BTBD10: variants seen among roughly 807,000 people sequenced by gnomAD.
The protein encoded by BTBD10 is BTB domain containing 10.
A neutral mutation model predicts 53.2 loss-of-function variants in BTBD10; 21 were observed. That is an observed-to-expected ratio of 0.39 (90% CI 0.28 to 0.57). BTBD10 has a LOEUF of 0.57. Ranked by LOEUF, BTBD10 falls within the 20% of genes least tolerant of loss-of-function variation. The pLI, the probability that BTBD10 is intolerant of heterozygous loss-of-function variation, is 0.53. For synonymous variants in BTBD10, 149 were observed against 192.7 expected, an observed-to-expected ratio of 0.77 and a Z score of 1.88; for missense variants, 360 against 594.7, an observed-to-expected ratio of 0.61 and a Z score of 4.10.
At chr11:13,403,673 C>T (rs1034813168) in intron 7 of BTBD10, among the ~76,000 whole-genome samples, 1 of 152,154 alleles carries the variant, frequency 6.6e-6, no homozygotes, top group Admixed American at 6.5e-5. Context: ...AAGGCCTAGT[C>T]TAGAGGCGGA....
intron 2 of BTBD10, chr11:13,439,768 C>T: frequency 1.3e-6 from 1 of 757,624 alleles, no homozygotes; most frequent in Non-Finnish European, 2.0e-6. Context: ...TATCTTTAGT[C>T]ATGTAAATGA....
chr11:13,442,882 G>GT (rs1950684345), intron 2 of BTBD10, among the ~76,000 whole-genome samples: 1 of 151,986 alleles, frequency 6.6e-6, no homozygotes, highest in Non-Finnish European at 1.5e-5. Flanking sequence ...AGTGTCCTAA[G>GT]TTATATGTTC....
chr11:13,399,714 G>C (rs962320140), intron 8 of BTBD10, among the ~76,000 whole-genome samples: 3 of 152,184 alleles, frequency 2.0e-5, no homozygotes, highest in Non-Finnish European at 2.9e-5. Context: ...GTGACGTACA[G>C]ATGGGTTTTT....
intron 8 of BTBD10, among the ~76,000 whole-genome samples, chr11:13,400,348 G>T (rs188867383): frequency 3.9e-5 from 6 of 152,358 alleles, no homozygotes; most frequent in Admixed American, 1.3e-4. Flanking sequence ...CTCAGAGCCA[G>T]GTGTGGGATA....
intron 8 of BTBD10, among the ~76,000 whole-genome samples, chr11:13,398,869 C>T (rs1949632714): frequency 6.6e-6 from 1 of 152,144 alleles, no homozygotes; most frequent in Non-Finnish European, 1.5e-5. Flanking sequence ...TGAATATTGG[C>T]CCCCACTCTC....
At chr11:13,457,482 CAGGT>C (rs976688494) in intron 1 of BTBD10, among the ~76,000 whole-genome samples, 1 of 152,138 alleles carries the variant, frequency 6.6e-6, no homozygotes. Flanking sequence ...CAGCAAAAAA[CAGGT>C]AGGTACAGAA....
intron 2 of BTBD10, chr11:13,439,745 G>T: frequency 1.6e-6 from 1 of 607,316 alleles, no homozygotes; most frequent in Non-Finnish European, 2.5e-6. Flanking sequence ...CTGAAAATCA[G>T]ACATATGATC....
chr11:13,397,710 T>C (rs1949593014), intron 8 of BTBD10, among the ~76,000 whole-genome samples: 1 of 152,224 alleles, frequency 6.6e-6, no homozygotes, highest in African/African-American at 2.4e-5. Context: ...CACACTGCTT[T>C]GAATGTGTCC....
intron 1 of BTBD10, among the ~76,000 whole-genome samples, chr11:13,451,888 A>G (rs890033905): frequency 1.3e-5 from 2 of 152,174 alleles, no homozygotes; most frequent in African/African-American, 4.8e-5. Context: ...CGACTGACAC[A>G]AAGGGCATCT....
At chr11:13,398,275 TG>T (rs1949612054) in intron 8 of BTBD10, among the ~76,000 whole-genome samples, 1 of 152,194 alleles carries the variant, frequency 6.6e-6, no homozygotes, top group Non-Finnish European at 1.5e-5. Flanking sequence ...CTTGTTGAAT[TG>T]ATCCCTTTAC....
intron 2 of BTBD10, among the ~76,000 whole-genome samples, chr11:13,424,112 T>C (rs1421863272): frequency 2.0e-5 from 3 of 152,204 alleles, no homozygotes; most frequent in Non-Finnish European, 4.4e-5. Flanking sequence ...AGATCATATA[T>C]AGAAAAAATA....
intron 1 of BTBD10, chr11:13,462,714 C>G (rs1951126654): frequency 6.6e-6 from 1 of 152,336 alleles, no homozygotes; most frequent in South Asian, 2.1e-4. Flanking sequence ...CCACCTTATC[C>G]CCTATTGTGA....
At chr11:13,392,953 G>C (rs529928894) in intron 8 of BTBD10, among the ~76,000 whole-genome samples, 1 of 152,208 alleles carries the variant, frequency 6.6e-6, no homozygotes, top group Non-Finnish European at 1.5e-5. Context: ...TGGTCTGCTC[G>C]ATGGGGTAGC....
chr11:13,427,279 A>G lies in BTBD10; in HGVS notation c.102-5441T>C, dbSNP rs114052846. Among the ~76,000 whole-genome samples, 1,039 of 152,314 alleles carry G rather than the reference A, an allele frequency of 6.8e-3. 17 individuals carry two copies. Among genetic ancestry groups the G allele is most frequent in the African/African-American group, 0.024 (991 of 41,562 alleles). On this transcript the variant is annotated intron_variant, in intron 2 of 8. Transcript: ENST00000278174. ...ATGCTATATGGTACAAAGAGATTCA[A>G]TATAAAAGAATGAGGAAAGATACAC...
Position 13,415,206 on chromosome 11 carries a change from T to C in BTBD10, c.688-1556A>G, listed in dbSNP as rs1950072440. On this transcript the variant is annotated intron_variant, in intron 5 of 8. Coordinates refer to ENST00000278174, the MANE Select transcript of BTBD10 (RefSeq NM_032320.7). ...TCAGCTCACTGCAACCTTCGCCTCC[T>C]GGCTCAAAAGATCTTCCCACCTCAG... Among the ~76,000 whole-genome samples the C allele has an allele frequency of 2.0e-5, 3 of 149,230 alleles. No individual in the cohort carries two copies. The South Asian group carries it at 6.5e-4, about 33-fold the overall frequency.
At chr11:13,400,299 C>T (rs1949681547) in intron 8 of BTBD10, among the ~76,000 whole-genome samples, 1 of 152,214 alleles carries the variant, frequency 6.6e-6, no homozygotes, top group Non-Finnish European at 1.5e-5. Flanking sequence ...TCTCAGACTG[C>T]TGTGCTAGCA....
At chr11:13,447,442 T>G (rs189503572) in intron 1 of BTBD10, among the ~76,000 whole-genome samples, 1 of 152,192 alleles carries the variant, frequency 6.6e-6, no homozygotes, top group Non-Finnish European at 1.5e-5. Flanking sequence ...TCCTTTTCCT[T>G]AACTATCAGA....
At chr11:13,406,726 A>G (rs1045277678) in intron 6 of BTBD10, among the ~76,000 whole-genome samples, 3 of 151,890 alleles carry the variant, frequency 2.0e-5, no homozygotes, top group African/African-American at 7.3e-5. Flanking sequence ...CTCCCAAGGG[A>G]GAGCTTTTCC....
intron 8 of BTBD10, among the ~76,000 whole-genome samples, chr11:13,402,540 TTGTCA>T (rs951477902): frequency 6.6e-6 from 1 of 152,200 alleles, no homozygotes; most frequent in African/African-American, 2.4e-5. Flanking sequence ...ACTCTTTACA[TTGTCA>T]TGTTATATCA....
Sources: gnomAD v4.1 joint callset for allele counts (sites outside exome capture counted in the v4.1 genomes callset) on GRCh38, gnomAD v4.1.1 for gene constraint, MANE v1.5 for transcripts, NCBI Gene and HGNC (gene_info 2026-07-23, HGNC 2026-07-21) for gene names.